Variants in ATAD2 observed in about 807,000 individuals in gnomAD.
The protein encoded by ATAD2 is ATPase family AAA domain containing 2, also known as ATPase family AAA domain-containing protein 2.
Under a neutral mutation model 168.9 loss-of-function variants are expected in ATAD2, and 62 were observed. The observed-to-expected ratio is 0.37, with a 90% CI of 0.30 to 0.45. The LOEUF is 0.45. Among genes scored for constraint, ATAD2 ranks in the 20% least tolerant of loss-of-function variants. ATAD2 has a pLI of 1.00. For missense variants in ATAD2, 1,419 were observed against 1,667.8 expected (o/e 0.85, Z 2.60); for synonymous variants, 613 against 571.6 (o/e 1.07, Z -1.03).
chr8:123,362,841 C>G (rs16898257), intron 8 of ATAD2, among the ~76,000 whole-genome samples: 3,637 of 152,230 alleles, frequency 0.024, 154 homozygotes, highest in African/African-American at 0.084. Context: ...AGTATACCAT[C>G]CACTGTAAAT....
chr8:123,354,464 G>A (rs569486264), intron 13 of ATAD2, among the ~76,000 whole-genome samples: 2 of 152,210 alleles, frequency 1.3e-5, no homozygotes, highest in South Asian at 4.1e-4. Context: ...CCAGCACTTT[G>A]GGAGGCAGAG....
chr8:123,369,076 T>C lies in ATAD2; in HGVS notation c.1031A>G (p.Tyr344Cys). The C allele has an allele frequency of 6.3e-7, 1 of 1,586,550 alleles. No individual in the cohort carries two copies. Among genetic ancestry groups the C allele is most frequent in the Non-Finnish European group, 8.6e-7 (1 of 1,160,238 alleles). Reference protein sequence around the residue: ...RLSSAGPRSPYCKRMNRRRHA... With the variant: ...RLSSAGPRSPCCKRMNRRRHA... The stretch of plus-strand genomic sequence containing the variant: ...ACCAAACCTGTTCATTCGTTTACAG[T>C]AAGGACTTCTTGGTCCTGCGGAAGA... The change falls in exon 8 of 28, where the codon TAC (tyrosine) becomes TGC (cysteine). Residue 344 changes from tyrosine to cysteine, a missense_variant. Transcript: ENST00000287394.
chr8:123,401,321 TG>T (rs1224292588), upstream of ATAD2: 40 of 1,357,228 alleles, frequency 2.9e-5, no homozygotes, highest in Non-Finnish European at 4.2e-5. Context: ...GGGGCAGCTG[TG>T]GGCACCTGTG....
In ATAD2 at chr8:123,337,498, G is replaced by A. The variant is rs558450155; in HGVS notation, c.3051+127C>T. On this transcript the variant is annotated intron_variant, in intron 21 of 27. Coordinates refer to ENST00000287394, the MANE Select transcript of ATAD2 (RefSeq NM_014109.4). ...CTACATGTGCTTAGGACACTAACCCGGTACATGTTTCCAAATAGATAAAAC... is the reference window on the plus strand; with the variant it reads ...CTACATGTGCTTAGGACACTAACCCAGTACATGTTTCCAAATAGATAAAAC... 17 of 848,226 alleles carry A rather than the reference G, an allele frequency of 2.0e-5. No homozygotes were observed. In the South Asian group the frequency reaches 2.2e-4, roughly 11 times the overall value. The allele number at this position is 848,226 out of a possible 1,614,324, so 52.5% of individuals were successfully genotyped here. A position where few individuals can be genotyped will look rare whatever the true frequency, so the allele number is the denominator to read the frequency against.
chr8:123,335,320 T>G (rs886937505), intron 22 of ATAD2, among the ~76,000 whole-genome samples: 2 of 152,192 alleles, frequency 1.3e-5, no homozygotes, highest in Non-Finnish European at 2.9e-5. Context: ...TCCTACTGCT[T>G]GACTCCAGAA....
intron 2 of ATAD2, among the ~76,000 whole-genome samples, chr8:123,379,909 T>C (rs200086791): frequency 7.2e-6 from 1 of 138,272 alleles, no homozygotes; most frequent in South Asian, 2.4e-4. Flanking sequence ...TTTTTGAGAC[T>C]GAGTTTCGCT....
chr8:123,341,824 G>A (rs997983137), intron 19 of ATAD2, among the ~76,000 whole-genome samples: 3 of 152,124 alleles, frequency 2.0e-5, no homozygotes, highest in Non-Finnish European at 4.4e-5. Context: ...GACCTGGAAG[G>A]CTACATGATG....
chr8:123,382,066 C>T (rs1449859636), intron 1 of ATAD2, among the ~76,000 whole-genome samples: 1 of 150,658 alleles, frequency 6.6e-6, no homozygotes, highest in Admixed American at 6.6e-5. Flanking sequence ...ACAAACAAAC[C>T]AAAGATAGAA....
At chr8:123,396,097 C>T in intron 1 of ATAD2, 90 bp downstream of exon 1, 11 of 1,373,542 alleles carry the variant, frequency 8.0e-6, no homozygotes, top group Non-Finnish European at 1.0e-5. Flanking sequence ...CCCTGACCGG[C>T]GCCGCCCACC....
At chr8:123,400,994 C>T (rs1329788738), upstream of ATAD2, 3 of 1,476,046 alleles carry the variant, frequency 2.0e-6, no homozygotes, top group Non-Finnish European at 2.8e-6. This position sits in a 1 kb window ranked among gnomAD's most constrained non-coding sequence, Gnocchi z 4.5. Context: ...CATGGCTTCT[C>T]TGGTATCCCC....
chr8:123,365,273 T>C (rs1227528770), intron 8 of ATAD2, among the ~76,000 whole-genome samples: 2 of 152,032 alleles, frequency 1.3e-5, no homozygotes, highest in African/African-American at 2.4e-5. Flanking sequence ...CTGAAAGAAA[T>C]AACAGATGAC....
rs1273880145 is a variant in ATAD2, at chr8:123,411,689, AC to A, written c.-2282+4558del. 3.3e-5 allele frequency among the ~76,000 whole-genome samples: 5 copies of A among 151,942 alleles called. 1 individual carries two copies. The highest frequency in any genetic ancestry group is 2.6e-4 in the Admixed American group (4 of 15,234). ...CCAGGCATTTGAGCTGGCAACGGCA[AC>A]CCCCTTTGGGTCCCCTCCCTTTGTA... On this transcript the variant is annotated intron_variant, in intron 1 of 28. Transcript: ENST00000521903.
At chr8:123,410,340 G>T (rs1475025948) in intron 1 of ATAD2, among the ~76,000 whole-genome samples, 1 of 152,080 alleles carries the variant, frequency 6.6e-6, no homozygotes, top group Non-Finnish European at 1.5e-5. Flanking sequence ...AGGCTGGAGT[G>T]CAATGGTGTA....
intron 1 of ATAD2, among the ~76,000 whole-genome samples, chr8:123,414,720 A>AG (rs1813214685): frequency 6.6e-6 from 1 of 152,218 alleles, no homozygotes; most frequent in African/African-American, 2.4e-5. Context: ...AGGGTTAGGG[A>AG]GGACCCTGGT....
chr8:123,400,458 C>CCAG (rs1463822696), upstream of ATAD2: 1 of 359,556 alleles, frequency 2.8e-6, no homozygotes, highest in African/African-American at 2.2e-5. This position sits in a 1 kb window ranked among gnomAD's most constrained non-coding sequence, Gnocchi z 4.5. Context: ...TCGCTTGAGC[C>CCAG]CAGCAGTTCC....
intron 19 of ATAD2, among the ~76,000 whole-genome samples, chr8:123,343,196 G>C (rs373504812): frequency 1.3e-3 from 201 of 152,004 alleles, no homozygotes; most frequent in African/African-American, 4.6e-3. Context: ...GGCTGGTCTT[G>C]AACTCCTGAT....
chr8:123,372,761 C>T (rs1829185691), intron 2 of ATAD2, 75 bp from the exon 3 acceptor site: 6 of 1,248,750 alleles, frequency 4.8e-6, no homozygotes, highest in Non-Finnish European at 6.6e-6. Context: ...TGGGATTGCA[C>T]TCCATCGTCC....
intron 8 of ATAD2, among the ~76,000 whole-genome samples, chr8:123,367,536 G>A (rs1224125368): frequency 6.6e-6 from 1 of 152,166 alleles, no homozygotes; most frequent in Non-Finnish European, 1.5e-5. Flanking sequence ...CCTTGGTCCT[G>A]TGCCTGGTGG....
upstream of ATAD2, chr8:123,401,377 G>A (rs559720692): frequency 5.7e-5 from 80 of 1,406,950 alleles, no homozygotes; most frequent in Admixed American, 1.7e-4. Context: ...GGCGGGTGTC[G>A]ACGTCATAGT....
Sources: gnomAD v4.1 joint callset for allele counts (sites outside exome capture counted in the v4.1 genomes callset) on GRCh38, gnomAD v4.1.1 for gene constraint, Gnocchi (gnomAD v3.1) non-coding constraint, MANE v1.5 for transcripts, NCBI Gene and HGNC (gene_info 2026-07-23, HGNC 2026-07-21) for gene names.